Variants in CFAP54 observed in about 807,000 individuals in gnomAD.
CFAP54 encodes the protein cilia and flagella associated protein 54, also known as cilia- and flagella-associated protein 54.
CFAP54 carries 290 observed loss-of-function variants against 370.4 expected under a neutral mutation model. The ratio of observed to expected loss-of-function variants is 0.78; its 90% CI spans 0.71 to 0.86. The LOEUF is 0.86. CFAP54 is among the 40% of genes least tolerant of loss of function. The pLI is 0.00. For missense variants in CFAP54, 3,399 were observed against 3,528.7 expected, an observed-to-expected ratio of 0.96 and a Z score of 0.93; for synonymous variants, 1,206 against 1,236.5, an observed-to-expected ratio of 0.98 and a Z score of 0.52.
intron 51 of CFAP54, among the ~76,000 whole-genome samples, chr12:96,741,642 T>C (rs1458687020): frequency 1.3e-5 from 2 of 152,060 alleles, no homozygotes; most frequent in Non-Finnish European, 2.9e-5. Context: ...CAAATGACAG[T>C]TTTTCTAAAT....
intron 6 of CFAP54, among the ~76,000 whole-genome samples, chr12:96,519,600 C>A (rs532054122): frequency 9.2e-5 from 14 of 152,086 alleles, no homozygotes; most frequent in Non-Finnish European, 1.9e-4. Context: ...TTTTCACCTT[C>A]TTTGCTCCAT....
At chr12:96,562,428 C>CTTTT (rs200487420) in intron 17 of CFAP54, among the ~76,000 whole-genome samples, 3 of 115,092 alleles carry the variant, frequency 2.6e-5, no homozygotes, top group South Asian at 5.8e-4. Flanking sequence ...TATTTGCATT[C>CTTTT]TTTTTTTTTT....
At chr12:96,671,879 G>A (rs1303426463) in intron 39 of CFAP54, among the ~76,000 whole-genome samples, 1 of 151,860 alleles carries the variant, frequency 6.6e-6, no homozygotes, top group Non-Finnish European at 1.5e-5. Flanking sequence ...CCAAGATCGT[G>A]CCATTGCACT....
In CFAP54 at chr12:96,512,301, TTATATATATATATATATATATA is replaced by T. The variant is rs1165045194; in HGVS notation, c.740-657_740-636del. Among the ~76,000 whole-genome samples, 29 of 31,136 alleles carry T rather than the reference TTATATATATATATATATATATA, an allele frequency of 9.3e-4. 1 individual carries two copies. The highest frequency in any genetic ancestry group is 2.5e-3 in the South Asian group (2 of 802). The allele number at this position is 31,136 out of a possible 152,430, so 20.4% of individuals were successfully genotyped here. ...GATAAGGAAACCATGGGAACCAATT[TTATATATATATATATATATATA>T]TATATATATATATATATATATATAT... On this transcript the variant is annotated intron_variant, in intron 4 of 67. Transcript: ENST00000524981.
At chr12:96,691,388 T>G in intron 44 of CFAP54, 78 bp downstream of exon 44, 6 of 1,076,328 alleles carry the variant, frequency 5.6e-6, no homozygotes, top group Non-Finnish European at 1.3e-6. Context: ...AAAATTTTGC[T>G]AATGTTCTTT....
At chr12:96,658,133 A>T in intron 37 of CFAP54, 28 bp downstream of exon 37, 1 of 1,584,626 alleles carries the variant, frequency 6.3e-7, no homozygotes, top group Non-Finnish European at 8.6e-7. Flanking sequence ...GGCAATTAAA[A>T]GTAGAAGACT....
intron 50 of CFAP54, among the ~76,000 whole-genome samples, chr12:96,722,885 T>C (rs1281882981): frequency 6.6e-6 from 1 of 152,102 alleles, no homozygotes; most frequent in African/African-American, 2.4e-5. Context: ...AAAGAAGTGG[T>C]CATTAACTGA....
intron 50 of CFAP54, among the ~76,000 whole-genome samples, chr12:96,729,689 ACCCACTGTCCTGCG>A (rs1957894279): frequency 6.6e-6 from 1 of 152,262 alleles, no homozygotes; most frequent in Non-Finnish European, 1.5e-5. Context: ...GGCGCGCTGC[ACCCACTGTCCTGCG>A]CCCACTGTCT....
intron 1 of CFAP54, among the ~76,000 whole-genome samples, chr12:96,494,445 C>T (rs112577332): frequency 5.3e-5 from 8 of 151,948 alleles, no homozygotes; most frequent in East Asian, 3.9e-4. Context: ...GGATTATAGG[C>T]GCATGCCACC....
At chr12:96,507,699 T>C (rs952708380) in intron 4 of CFAP54, among the ~76,000 whole-genome samples, 1 of 152,210 alleles carries the variant, frequency 6.6e-6, no homozygotes, top group South Asian at 2.1e-4. Context: ...AAGGAAAATA[T>C]TGACAGTGTG....
chr12:96,603,376 G>A (rs2136446792), intron 26 of CFAP54, among the ~76,000 whole-genome samples: 1 of 152,130 alleles, frequency 6.6e-6, no homozygotes, highest in Admixed American at 6.5e-5. Context: ...TTTCTCTCTG[G>A]CTGCCCTTAA....
At chr12:96,505,562 G>C (rs1210398058) in intron 3 of CFAP54, among the ~76,000 whole-genome samples, 1 of 150,066 alleles carries the variant, frequency 6.7e-6, no homozygotes, top group Non-Finnish European at 1.5e-5. Context: ...GAGTGCAGTG[G>C]TGCAGTCTTG....
intron 66 of CFAP54, 47 bp downstream of exon 66, chr12:96,829,135 T>C (rs1305873192): frequency 9.4e-7 from 1 of 1,058,222 alleles, no homozygotes. Context: ...TCACAAGTAT[T>C]ATTGCTATGA....
Position 96,598,786 on chromosome 12 carries a change from A to T in CFAP54, c.3639+19A>T, listed in dbSNP as rs1565908723. Reference sequence around the variant, plus strand: ...AACAAAGGTATTTATCTCATTCTTTATCTAGTATTATAATATTTAGGAGCG... The same window carrying T: ...AACAAAGGTATTTATCTCATTCTTTTTCTAGTATTATAATATTTAGGAGCG... On this transcript the variant is annotated intron_variant, in intron 26 of 67. Transcript: ENST00000524981. 1 of 570,942 alleles carries T rather than the reference A, an allele frequency of 1.8e-6. No homozygotes were observed. The highest frequency in any genetic ancestry group is 2.9e-5 in the East Asian group (1 of 34,426). 35.4% of individuals were successfully genotyped at this position (570,942 alleles called of 1,614,324 possible).
In CFAP54 at chr12:96,513,037, C is replaced by A. The variant is rs763879441; in HGVS notation, c.791C>A (p.Ser264Tyr). 6.6e-7 allele frequency: 1 copy of A among 1,510,414 alleles called. No individual in the cohort carries two copies. The highest frequency in any genetic ancestry group is 1.3e-5 in the South Asian group (1 of 79,170). The allele number at this position is 1,510,414 out of a possible 1,614,324, so 93.6% of individuals were successfully genotyped here. Residue 264 changes from serine (S) to tyrosine (Y), a missense_variant, in exon 5 of 68, where the codon TCT (serine) becomes TAT (tyrosine). By Grantham distance (144) the Ser-to-Tyr change is moderately radical (BLOSUM62 -2). Transcript: ENST00000524981. Reference sequence around the variant, plus strand: ...AGAAAACTGATGGTCATAGGTCAGTCTTCCAAGGTATGAAATGTACTGACA... The same window carrying A: ...AGAAAACTGATGGTCATAGGTCAGTATTCCAAGGTATGAAATGTACTGACA... ...ICRKLMVIGQ[S>Y]SKALEYLLWA...
At chr12:96,585,281 C>A (rs1178739294) in intron 22 of CFAP54, among the ~76,000 whole-genome samples, 2 of 152,154 alleles carry the variant, frequency 1.3e-5, no homozygotes, top group African/African-American at 4.8e-5. Flanking sequence ...CTGCCTCAGC[C>A]TCCTGTGTAG....
chr12:96,557,889 T>C (rs1955771516), intron 17 of CFAP54, among the ~76,000 whole-genome samples: 1 of 152,004 alleles, frequency 6.6e-6, no homozygotes, highest in Non-Finnish European at 1.5e-5. Flanking sequence ...ACTATAGTTA[T>C]CAGGTATGCA....
chr12:96,489,973 C>G (rs1270940176), intron 1 of CFAP54, 47 bp downstream of exon 1: 1 of 1,479,054 alleles, frequency 6.8e-7, no homozygotes, highest in Admixed American at 2.3e-5. Context: ...AGAGGAGGGA[C>G]CCCTGGAAAG....
rs903822216 is a variant in CFAP54, at chr12:96,535,953, G to A, written c.1791+353G>A. Among the ~76,000 whole-genome samples, 7 of 152,276 alleles carry A rather than the reference G, an allele frequency of 4.6e-5. No individual in the cohort carries two copies. The East Asian group carries it at 1.3e-3, about 29-fold the overall frequency. On this transcript the variant is annotated intron_variant, in intron 12 of 67. Transcript: ENST00000524981. Reference sequence around the variant, plus strand: ...GAAGTCACTTTGCACACAATGGCCAGTATTTTAAAATGACCTATAAGAGGG... The same window carrying A: ...GAAGTCACTTTGCACACAATGGCCAATATTTTAAAATGACCTATAAGAGGG...
Sources: gnomAD v4.1 joint callset for allele counts (sites outside exome capture counted in the v4.1 genomes callset) on GRCh38, gnomAD v4.1.1 for gene constraint, MANE v1.5 for transcripts, NCBI Gene and HGNC (gene_info 2026-07-23, HGNC 2026-07-21) for gene names.